SYCP1: variants seen among roughly 807,000 people sequenced by gnomAD.
The protein encoded by SYCP1 is synaptonemal complex protein 1.
In SYCP1, 64 loss-of-function variants were observed where a neutral mutation model predicts 153.1. The ratio of observed to expected loss-of-function variants is 0.42; its 90% CI spans 0.34 to 0.51. The LOEUF (loss-of-function observed/expected upper bound fraction) is 0.51. Ranked by LOEUF, SYCP1 falls within the 20% of genes least tolerant of loss-of-function variation. SYCP1 has a pLI of 0.06. For missense variants in SYCP1, 997 were observed against 1,049.0 expected (o/e 0.95, Z 0.68); for synonymous variants, 384 against 341.8 (o/e 1.12, Z -1.36).
chr1:114,966,288 A>AGCTTTGTT (rs1672122100), intron 27 of SYCP1, among the ~76,000 whole-genome samples: 3 of 152,038 alleles, frequency 2.0e-5, no homozygotes, highest in African/African-American at 7.2e-5. Context: ...TCTTTTCAAA[A>AGCTTTGTT]AACCAGCTCC....
intron 27 of SYCP1, among the ~76,000 whole-genome samples, chr1:114,962,218 C>A (rs1245212491): frequency 1.3e-5 from 2 of 152,010 alleles, no homozygotes; most frequent in African/African-American, 2.4e-5. Flanking sequence ...CTCCTGACCT[C>A]AGGTGATCCA....
intron 23 of SYCP1, among the ~76,000 whole-genome samples, chr1:114,936,182 C>G (rs1669996504): frequency 6.6e-6 from 1 of 152,170 alleles, no homozygotes; most frequent in African/African-American, 2.4e-5. Flanking sequence ...AATCCAGCAG[C>G]ACATCACAAA....
intron 30 of SYCP1, among the ~76,000 whole-genome samples, chr1:114,992,006 C>T (rs974394858): frequency 1.3e-5 from 2 of 151,550 alleles, no homozygotes; most frequent in East Asian, 3.9e-4. Flanking sequence ...TATATACCAG[C>T]GATGAACAAT....
intron 27 of SYCP1, among the ~76,000 whole-genome samples, chr1:114,976,604 G>A (rs1283184815): frequency 1.3e-5 from 2 of 151,742 alleles, no homozygotes; most frequent in African/African-American, 2.4e-5. Context: ...GAGTCATTAC[G>A]ATATTGCTGG....
chr1:114,878,284 T>G (rs360636), intron 12 of SYCP1, 82 bp downstream of exon 12: 1 of 965,386 alleles, frequency 1.0e-6, no homozygotes, highest in Non-Finnish European at 1.6e-6. Context: ...ATTACAAGTT[T>G]GTTGTAATGC....
At chr1:114,927,178 T>TA (rs1669312961) in intron 23 of SYCP1, among the ~76,000 whole-genome samples, 1 of 142,854 alleles carries the variant, frequency 7.0e-6, no homozygotes, top group Non-Finnish European at 1.6e-5. Context: ...TATTTGAAAT[T>TA]AAAAATATAT....
At chr1:114,980,222 G>A (rs547862664) in intron 28 of SYCP1, among the ~76,000 whole-genome samples, 9 of 151,906 alleles carry the variant, frequency 5.9e-5, no homozygotes, top group Admixed American at 4.6e-4. Flanking sequence ...TAATTGCCAC[G>A]ATTGTATTCG....
chr1:114,928,711 A>G (rs1007529845), intron 23 of SYCP1, among the ~76,000 whole-genome samples: 1 of 152,226 alleles, frequency 6.6e-6, no homozygotes, highest in Non-Finnish European at 1.5e-5. Context: ...GGGAGTAAAT[A>G]TAACTATTTT....
At chr1:114,983,212 C>A (rs1429889647) in intron 29 of SYCP1, among the ~76,000 whole-genome samples, 1 of 151,922 alleles carries the variant, frequency 6.6e-6, no homozygotes, top group Non-Finnish European at 1.5e-5. Flanking sequence ...CTATAGATAG[C>A]CCTACACATA....
intron 12 of SYCP1, among the ~76,000 whole-genome samples, chr1:114,879,439 C>T (rs1665762485): frequency 6.6e-6 from 1 of 152,174 alleles, no homozygotes; most frequent in African/African-American, 2.4e-5. Flanking sequence ...TTCAATCCCA[C>T]CCCATGCTTT....
At chr1:114,918,087 A>G (rs548285734) in intron 20 of SYCP1, among the ~76,000 whole-genome samples, 1 of 152,042 alleles carries the variant, frequency 6.6e-6, no homozygotes, top group South Asian at 2.1e-4. Context: ...AGTTTCCTCG[A>G]CGGTTTCTTT....
Position 114,860,751 on chromosome 1 carries a change from G to A in SYCP1, c.540G>A (p.Arg180=), listed in dbSNP as rs1399944128. 5.6e-6 allele frequency: 9 copies of A among 1,595,320 alleles called. No individual in the cohort carries two copies. The highest frequency in any genetic ancestry group is 4.6e-5 in the South Asian group (4 of 87,134). The part of the protein sequence containing the change: ...KDLIKENNAT[R]HLCNLLKETC... ...TTTGTTTCAGGAATAATGCCACAAGGCATTTATGTAATCTACTCAAAGAAA... is the reference window on the plus strand; with the variant it reads ...TTTGTTTCAGGAATAATGCCACAAGACATTTATGTAATCTACTCAAAGAAA... Residue 180 remains arginine (R), a synonymous_variant, in exon 8 of 32, where the codon AGG becomes AGA. Transcript: ENST00000369522.
intron 30 of SYCP1, among the ~76,000 whole-genome samples, chr1:114,986,296 A>C (rs1254726208): frequency 2.6e-5 from 4 of 152,030 alleles, no homozygotes; most frequent in African/African-American, 9.7e-5. Flanking sequence ...GTCATTGCAC[A>C]TGATAACTGC....
chr1:114,959,786 A>G (rs1671666706), intron 27 of SYCP1, among the ~76,000 whole-genome samples: 1 of 151,198 alleles, frequency 6.6e-6, no homozygotes, highest in Non-Finnish European at 1.5e-5. Flanking sequence ...CTCTATCTCC[A>G]TGAGTTCAAT....
At chr1:114,885,864 T>C (rs1666260484) in intron 13 of SYCP1, among the ~76,000 whole-genome samples, 1 of 152,096 alleles carries the variant, frequency 6.6e-6, no homozygotes. Context: ...AGGTAATAAA[T>C]TAATAGTTCT....
chr1:114,921,447 G>C (rs1034849652), intron 20 of SYCP1, among the ~76,000 whole-genome samples: 2 of 152,048 alleles, frequency 1.3e-5, no homozygotes, highest in Non-Finnish European at 2.9e-5. Context: ...GGGAGGCTGA[G>C]GGGGGCAGAT....
intron 12 of SYCP1, among the ~76,000 whole-genome samples, chr1:114,884,641 T>C (rs1026446553): frequency 2.0e-5 from 3 of 152,220 alleles, no homozygotes; most frequent in Non-Finnish European, 4.4e-5. Flanking sequence ...TTAATAGCAG[T>C]TATCATTTAT....
At position 114,923,505 on chromosome 1, in the gene SYCP1, G is replaced by T; in HGVS notation, c.1775G>T (p.Cys592Phe). Residue 592 changes from cysteine to phenylalanine, a missense_variant, in exon 21 of 32, where the codon TGT becomes TTT. Around this residue, in one of 2 missense-constraint regions of SYCP1, gnomAD observed 712 missense variants for 682.9 expected, o/e 1.04. Coordinates refer to ENST00000369522, the MANE Select transcript of SYCP1 (RefSeq NM_003176.4). The part of the protein sequence containing the change: ...ELKQKRDEVK[C>F]KLDKSEENCN... Reference sequence around the variant, plus strand: ...AAACAGAAAAGAGATGAAGTTAAATGTAAATTGGACAAGAGTGAAGAAAAT... The same window carrying T: ...AAACAGAAAAGAGATGAAGTTAAATTTAAATTGGACAAGAGTGAAGAAAAT... The T allele has an allele frequency of 6.3e-7, 1 of 1,590,990 alleles. No homozygotes were observed. The highest frequency in any genetic ancestry group is 8.6e-7 in the Non-Finnish European group (1 of 1,165,662).
At chr1:114,965,371 CT>C (rs1376017385) in intron 27 of SYCP1, among the ~76,000 whole-genome samples, 1 of 152,132 alleles carries the variant, frequency 6.6e-6, no homozygotes, top group Admixed American at 6.5e-5. Context: ...CCTGATTTCC[CT>C]GGCCAGAACT....
Sources: gnomAD v4.1 joint callset for allele counts (sites outside exome capture counted in the v4.1 genomes callset) on GRCh38, gnomAD v4.1.1 for gene constraint, gnomAD v4.1.1 regional missense constraint, MANE v1.5 for transcripts, NCBI Gene and HGNC (gene_info 2026-07-23, HGNC 2026-07-21) for gene names.